The following LHX2 variants were observed in gnomAD, a reference collection of about 807,000 sequenced individuals.
LHX2 encodes LIM/homeobox protein Lhx2.
LHX2 carries 6 observed loss-of-function variants against 33.0 expected under a neutral mutation model. The observed-to-expected ratio is 0.18, with a 90% CI of 0.10 to 0.36. The LOEUF (loss-of-function observed/expected upper bound fraction) is 0.36, where lower values mean the gene tolerates loss of function less well. Ranked by LOEUF, LHX2 falls within the 10% of genes least tolerant of loss-of-function variation. The probability of loss-of-function intolerance (pLI) is 1.00; values close to 1 mark genes in which losing one functional copy is unlikely to be tolerated. For missense variants in LHX2, 442 were observed against 586.2 expected (o/e 0.75, Z 2.54); for synonymous variants, 292 against 253.1 (o/e 1.15, Z -1.46).
At chr9:124,030,717 C>T (rs771748950) in intron 4 of LHX2, among the ~76,000 whole-genome samples, 7 of 150,174 alleles carry the variant, frequency 4.7e-5, no homozygotes, top group Non-Finnish European at 8.9e-5. Flanking sequence ...CTGTATCCTC[C>T]GCCTCCCGGG....
In LHX2 at chr9:124,032,147, C is replaced by T. The variant is rs1588354077; in HGVS notation, c.934-273C>T. 1.3e-5 allele frequency: 5 copies of T among 389,914 alleles called. No individual in the cohort carries two copies. Among genetic ancestry groups the T allele is most frequent in the East Asian group, 8.9e-5 (2 of 22,546 alleles). The allele number at this position is 389,914 out of a possible 1,614,324, so 24.2% of individuals were successfully genotyped here. A position where few individuals can be genotyped will look rare whatever the true frequency, so the allele number is the denominator to read the frequency against. On this transcript the variant is annotated intron_variant, in intron 4 of 4. Coordinates refer to ENST00000373615, the MANE Select transcript of LHX2 (RefSeq NM_004789.4). The surrounding 1 kb of genome is among the most constrained non-coding windows in gnomAD (Gnocchi z 4.1). ...GCCCCAGCTACCCAGGAGGCTGAGG[C>T]GGGAGGATCGCTTGATCCCAGGAGT...
In LHX2 at chr9:124,014,152, A is replaced by C; in HGVS notation, c.312A>C (p.Glu104Asp). Residue 104 changes from glutamate to aspartate, a missense_variant, in exon 2 of 5, where the codon GAA (glutamate) becomes GAC (aspartate). Glu to Asp is a conservative substitution (Grantham distance 45). Around this residue, in one of 5 missense-constraint regions of LHX2, gnomAD observed 72 missense variants for 171.6 expected, o/e 0.42. Coordinates refer to ENST00000373615, the MANE Select transcript of LHX2 (RefSeq NM_004789.4). The surrounding 1 kb of genome is among the most constrained non-coding windows in gnomAD (Gnocchi z 4.8). ...FSKDGSIYCK[E>D]DYYRRFSVQR... is the part of the protein sequence containing the mutation. The stretch of plus-strand genomic sequence containing the variant: ...AGGACGGTAGCATCTACTGCAAGGA[A>C]GACTACTACAGGTAGCCCCCCCACC... 10 of 1,612,932 alleles carry C rather than the reference A, an allele frequency of 6.2e-6. No individual in the cohort carries two copies. Among genetic ancestry groups the C allele is most frequent in the Non-Finnish European group, 8.5e-6 (10 of 1,179,806 alleles).
At chr9:124,028,778 G>T (rs1828667116) in intron 4 of LHX2, among the ~76,000 whole-genome samples, 1 of 152,176 alleles carries the variant, frequency 6.6e-6, no homozygotes, top group African/African-American at 2.4e-5. Flanking sequence ...CCTTTGGCAA[G>T]TGGTTTTACC....
intron 4 of LHX2, 131 bp downstream of exon 4, chr9:124,021,435 TTC>T: frequency 1.4e-6 from 1 of 727,058 alleles, no homozygotes. Context: ...ATCTTTCTCA[TTC>T]TCTTTCTTCA....
chr9:124,018,145 C>A (rs1859225968), intron 3 of LHX2, among the ~76,000 whole-genome samples: 1 of 152,002 alleles, frequency 6.6e-6, no homozygotes, highest in African/African-American at 2.4e-5. Context: ...GAGGCGAAGT[C>A]AGATTTGATT....
At position 124,015,777 on chromosome 9, in the gene LHX2, A is replaced by T. The variant is rs1337881902; in HGVS notation, c.727+252A>T. Among the ~76,000 whole-genome samples the T allele has an allele frequency of 1.3e-5, 2 of 152,128 alleles. No homozygotes were observed. Among genetic ancestry groups the T allele is most frequent in the African/African-American group, 4.8e-5 (2 of 41,422 alleles). On this transcript the variant is annotated intron_variant, in intron 3 of 4. Coordinates refer to ENST00000373615, the MANE Select transcript of LHX2 (RefSeq NM_004789.4). The surrounding 1 kb of genome is among the most constrained non-coding windows in gnomAD (Gnocchi z 7.9). The stretch of plus-strand genomic sequence containing the variant: ...TGTCTCTGATAAATTGTTTTTTTGG[A>T]GATGGCTTTTTGGTTTGGGCCTTTG...
intron 3 of LHX2, among the ~76,000 whole-genome samples, chr9:124,017,021 G>T (rs1434568619): frequency 1.3e-5 from 2 of 152,140 alleles, no homozygotes; most frequent in Non-Finnish European, 2.9e-5. Context: ...GTTCGGCGCC[G>T]GTTTTAGGAT....
At chr9:124,018,324 C>T (rs989437381) in intron 3 of LHX2, among the ~76,000 whole-genome samples, 6 of 151,206 alleles carry the variant, frequency 4.0e-5, no homozygotes, top group Admixed American at 3.9e-4. Context: ...TCCCCTCGGC[C>T]CCTCGCTCCT....
At chr9:124,020,954 TG>T (rs1168130382) in intron 3 of LHX2, 144 bp from the exon 4 acceptor site, 2 of 700,180 alleles carry the variant, frequency 2.9e-6, no homozygotes, top group Non-Finnish European at 4.8e-6. Context: ...ATCTATAAAA[TG>T]GGGATGATGT....
intron 3 of LHX2, among the ~76,000 whole-genome samples, chr9:124,019,522 T>C (rs1859255141): frequency 6.6e-6 from 1 of 152,258 alleles, no homozygotes; most frequent in African/African-American, 2.4e-5. Flanking sequence ...TCCCGTGTAA[T>C]ATTTGAATTT....
chr9:124,017,664 G>A (rs1859214765), intron 3 of LHX2, among the ~76,000 whole-genome samples: 1 of 152,178 alleles, frequency 6.6e-6, no homozygotes, highest in Admixed American at 6.5e-5. Context: ...CCCTTGCAAA[G>A]CCTCTTGCTC....
rs201329091 is a variant in LHX2, at chr9:124,026,228, G to A, written c.933+4924G>A. Among the ~76,000 whole-genome samples the A allele has an allele frequency of 1.8e-4, 27 of 152,284 alleles. No homozygotes were observed. In the East Asian group the frequency reaches 5.2e-3, roughly 29 times the overall value. ...AATTCCAGCACTTTGGGAGGCGGAGGCGGGTGGATCACCTGAGGTCAGGAG... is the reference window on the plus strand; with the variant it reads ...AATTCCAGCACTTTGGGAGGCGGAGACGGGTGGATCACCTGAGGTCAGGAG... On this transcript the variant is annotated intron_variant, in intron 4 of 4. Coordinates refer to ENST00000373615, the MANE Select transcript of LHX2 (RefSeq NM_004789.4).
intron 4 of LHX2, among the ~76,000 whole-genome samples, chr9:124,029,685 G>A (rs1238916515): frequency 6.6e-6 from 1 of 152,154 alleles, no homozygotes; most frequent in East Asian, 1.9e-4. Flanking sequence ...ATGAGCACCC[G>A]GCAAAGCACC....
At position 124,015,284 on chromosome 9, in the gene LHX2, G is replaced by A; in HGVS notation, c.486G>A (p.Leu162=). 1 of 1,614,136 alleles carries A rather than the reference G, an allele frequency of 6.2e-7. No individual in the cohort carries two copies. Among genetic ancestry groups the A allele is most frequent in the Non-Finnish European group, 8.5e-7 (1 of 1,180,040 alleles). The change falls in exon 3 of 5, where the codon CTG becomes CTA. Residue 162 remains leucine, a synonymous_variant. Coordinates refer to ENST00000373615, the MANE Select transcript of LHX2 (RefSeq NM_004789.4). This position sits in a 1 kb window ranked among gnomAD's most constrained non-coding sequence, Gnocchi z 7.9. ...TGDHFGMKDS[L]VYCRLHFEAL... ...ACCACTTCGGCATGAAGGACAGCCT[G>A]GTCTACTGCCGCTTGCACTTCGAGG...
intron 4 of LHX2, among the ~76,000 whole-genome samples, chr9:124,030,118 G>C (rs1408255343): frequency 6.6e-6 from 1 of 152,248 alleles, no homozygotes; most frequent in Admixed American, 6.5e-5. Flanking sequence ...TGAGGAGGGA[G>C]CTTGGTTTCT....
Position 124,032,127 on chromosome 9 carries a change from A to C in LHX2, c.934-293A>C, listed in dbSNP as rs999130703. 13 of 353,508 alleles carry C rather than the reference A, an allele frequency of 3.7e-5. No individual in the cohort carries two copies. The Admixed American group carries it at 4.6e-4, about 13-fold the overall frequency. 21.9% of individuals were successfully genotyped at this position (353,508 alleles called of 1,614,324 possible). A position where few individuals can be genotyped will look rare whatever the true frequency, so the allele number is the denominator to read the frequency against. ...GTGGTGCTCACCTATCTATAGCCCCAGCTACCCAGGAGGCTGAGGCGGGAG... is the reference window on the plus strand; with the variant it reads ...GTGGTGCTCACCTATCTATAGCCCCCGCTACCCAGGAGGCTGAGGCGGGAG... On this transcript the variant is annotated intron_variant, in intron 4 of 4. Transcript: ENST00000373615. The surrounding 1 kb of genome is among the most constrained non-coding windows in gnomAD (Gnocchi z 4.1).
Position 124,016,074 on chromosome 9 carries a change from T to G in LHX2, c.727+549T>G, listed in dbSNP as rs1660166376. Among the ~76,000 whole-genome samples, 1 of 152,222 alleles carries G rather than the reference T, an allele frequency of 6.6e-6. No homozygotes were observed. The highest frequency in any genetic ancestry group is 2.4e-5 in the African/African-American group (1 of 41,456). On this transcript the variant is annotated intron_variant, in intron 3 of 4. Transcript: ENST00000373615. This position sits in a 1 kb window ranked among gnomAD's most constrained non-coding sequence, Gnocchi z 4.4. ...CAGGAAAGCAAAGGCTGCGGTTCCT[T>G]TTGCTCGGCCCGATCCTCCTTTAAA...
intron 1 of LHX2, among the ~76,000 whole-genome samples, chr9:124,013,165 G>T (rs553665761): frequency 6.6e-6 from 1 of 152,224 alleles, no homozygotes. Flanking sequence ...GACACTGCCC[G>T]ACCAGCGGGC....
At chr9:124,020,974 C>A in intron 3 of LHX2, 125 bp from the exon 4 acceptor site, 1 of 812,896 alleles carries the variant, frequency 1.2e-6, no homozygotes, top group African/African-American at 1.7e-5. Flanking sequence ...GTCCCCCTTT[C>A]ATTGTGGCGC....
Sources: allele counts gnomAD v4.1 joint callset (sites outside exome capture counted in the v4.1 genomes callset), GRCh38; gene constraint gnomAD v4.1.1; regional missense constraint gnomAD v4.1.1; non-coding constraint Gnocchi (gnomAD v3.1); transcripts MANE v1.5; gene names NCBI Gene and HGNC (gene_info 2026-07-23, HGNC 2026-07-21).